The following EFR3A variants were observed in gnomAD, a reference collection of about 807,000 sequenced individuals.
EFR3A encodes the protein EFR3 homolog A.
In EFR3A, 76 loss-of-function variants were observed where a neutral mutation model predicts 104.4. The observed-to-expected ratio is 0.73, with a 90% CI of 0.60 to 0.88. The LOEUF is 0.88. Among genes scored for constraint, EFR3A ranks in the 40% least tolerant of loss-of-function variants. The probability of loss-of-function intolerance (pLI) is 0.00; values close to 1 mark genes in which losing one functional copy is unlikely to be tolerated. For synonymous variants in EFR3A, 330 were observed against 330.0 expected (o/e 1.00, Z 0.00); for missense variants, 985 against 1,012.5 (o/e 0.97, Z 0.37).
At chr8:131,962,957 T>C (rs978289197) in intron 8 of EFR3A, among the ~76,000 whole-genome samples, 5 of 152,190 alleles carry the variant, frequency 3.3e-5, no homozygotes, top group Non-Finnish European at 5.9e-5. Flanking sequence ...AGCAACCTGC[T>C]CCTGAATGAC....
intron 1 of EFR3A, among the ~76,000 whole-genome samples, chr8:131,917,101 T>A (rs1816775672): frequency 6.6e-6 from 1 of 152,242 alleles, no homozygotes; most frequent in South Asian, 2.1e-4. Context: ...TATCAACCCA[T>A]TGCCATCTTG....
intron 1 of EFR3A, among the ~76,000 whole-genome samples, chr8:131,931,629 G>A (rs867551839): frequency 6.6e-6 from 1 of 152,104 alleles, no homozygotes; most frequent in Middle Eastern, 3.4e-3. Flanking sequence ...TGCCTTATAT[G>A]TAGTAGACAT....
chr8:132,009,440 G>T (rs1434138513), intron 22 of EFR3A, among the ~76,000 whole-genome samples: 1 of 152,100 alleles, frequency 6.6e-6, no homozygotes, highest in Non-Finnish European at 1.5e-5. Flanking sequence ...GGAAAATGCT[G>T]TAGAAAGAAA....
chr8:131,932,251 T>G (rs1318283100), intron 1 of EFR3A, among the ~76,000 whole-genome samples: 4 of 152,260 alleles, frequency 2.6e-5, no homozygotes, highest in African/African-American at 9.6e-5. Context: ...TTAATTTACC[T>G]TAATAGTATT....
At chr8:131,915,402 T>G (rs1445104761) in intron 1 of EFR3A, among the ~76,000 whole-genome samples, 1 of 152,202 alleles carries the variant, frequency 6.6e-6, no homozygotes, top group East Asian at 1.9e-4. Flanking sequence ...ATCACAAGTG[T>G]TCTTTCAATT....
rs1822330023 is a variant in EFR3A, at chr8:132,011,250, GT to G, written c.*358del. 1 of 993,306 alleles carries G rather than the reference GT, an allele frequency of 1.0e-6. No homozygotes were observed. The highest frequency in any genetic ancestry group is 1.2e-6 in the Non-Finnish European group (1 of 834,822). 61.5% of individuals were successfully genotyped at this position (993,306 alleles called of 1,614,324 possible). Reference sequence around the variant, plus strand: ...TCAGAGGATTGAAACTGTATAAATTGTTTATCTCTTAAACATCTACACAGCC... The same window carrying G: ...TCAGAGGATTGAAACTGTATAAATTGTTATCTCTTAAACATCTACACAGCC... On this transcript the variant is annotated 3_prime_UTR_variant, in exon 23 of 23. Coordinates refer to ENST00000254624, the MANE Select transcript of EFR3A (RefSeq NM_015137.6).
At chr8:132,010,407 G>GATATATATATATATATATATATATAT (rs66644698) in intron 22 of EFR3A, among the ~76,000 whole-genome samples, 2 of 81,880 alleles carry the variant, frequency 2.4e-5, no homozygotes, top group African/African-American at 4.9e-5. Context: ...TCAAGTATGA[G>GATATATATATATATATATATATATAT]ATATATATAT....
chr8:132,004,633 G>C (rs901220783), intron 22 of EFR3A, among the ~76,000 whole-genome samples: 25 of 152,280 alleles, frequency 1.6e-4, no homozygotes, highest in African/African-American at 6.0e-4. Flanking sequence ...TTACTTCTTT[G>C]ATGACTAAAT....
chr8:131,946,400 TATTTC>T lies in EFR3A; in HGVS notation c.216-81_216-77del, dbSNP rs922767817. On this transcript the variant is annotated intron_variant, in intron 3 of 22. Coordinates refer to ENST00000254624, the MANE Select transcript of EFR3A (RefSeq NM_015137.6). ...TTTCTTTGGTGTATTTCAATAGACT[TATTTC>T]AGTTCTTCCAATGTAAAGCACTTAG... 4 of 1,303,690 alleles carry T rather than the reference TATTTC, an allele frequency of 3.1e-6. No individual in the cohort carries two copies. The African/African-American group carries it at 6.1e-5, about 20-fold the overall frequency. The allele number at this position is 1,303,690 out of a possible 1,614,324, so 80.8% of individuals were successfully genotyped here.
intron 14 of EFR3A, 86 bp from the exon 15 acceptor site, chr8:131,984,053 C>A: frequency 1.7e-6 from 2 of 1,192,508 alleles, no homozygotes; most frequent in East Asian, 2.6e-5. Context: ...AATAACATAG[C>A]TACACTGTAA....
Position 131,984,376 on chromosome 8 carries a change from C to T in EFR3A, c.1737+76C>T. 3 of 1,351,102 alleles carry T rather than the reference C, an allele frequency of 2.2e-6. No individual in the cohort carries two copies. The Admixed American group carries it at 7.8e-5, about 35-fold the overall frequency. 83.7% of individuals were successfully genotyped at this position (1,351,102 alleles called of 1,614,324 possible). A position where few individuals can be genotyped will look rare whatever the true frequency, so the allele number is the denominator to read the frequency against. ...AACATCTTTGAAATGTTGCCGTTAT[C>T]CAAGGACATGAATTTTAAAAGGGAG... On this transcript the variant is annotated intron_variant, in intron 15 of 22. Coordinates refer to ENST00000254624, the MANE Select transcript of EFR3A (RefSeq NM_015137.6).
chr8:131,950,252 A>C (rs113086334), intron 5 of EFR3A, among the ~76,000 whole-genome samples, 162 bp downstream of exon 5: 1 of 152,240 alleles, frequency 6.6e-6, no homozygotes, highest in Non-Finnish European at 1.5e-5. Context: ...GCAAAATGAG[A>C]ATGGTTTTCC....
In EFR3A at chr8:131,988,328, T is replaced by C. The variant is rs533816771; in HGVS notation, c.2065+626T>C. Among the ~76,000 whole-genome samples the C allele has an allele frequency of 1.8e-4, 27 of 152,244 alleles. No individual in the cohort carries two copies. In the East Asian group the frequency reaches 5.0e-3, roughly 28 times the overall value. On this transcript the variant is annotated intron_variant, in intron 18 of 22. Transcript: ENST00000254624. ...TTTTAATTTGGTGACTATATAAATA[T>C]TAAATTTTGTAAGTGAATTAGTTCT...
At chr8:131,940,794 A>G in intron 2 of EFR3A, 1 of 669,624 alleles carries the variant, frequency 1.5e-6, no homozygotes, top group East Asian at 3.0e-5. Flanking sequence ...AAATCTAGAA[A>G]AATGGACAGT....
chr8:131,949,960 G>GT lies in EFR3A; in HGVS notation c.367-3dup. On this transcript the variant is annotated splice_polypyrimidine_tract_variant and intron_variant, in intron 4 of 22. Transcript: ENST00000254624. Reference sequence around the variant, plus strand: ...AGGTGAAGTATATTATATTATTTGTGTTTTTTAGTTTGTCAAATTTGCAAA... The same window carrying GT: ...AGGTGAAGTATATTATATTATTTGTGTTTTTTTAGTTTGTCAAATTTGCAAA... 6.3e-7 allele frequency: 1 copy of GT among 1,581,026 alleles called. No homozygotes were observed. The highest frequency in any genetic ancestry group is 8.6e-7 in the Non-Finnish European group (1 of 1,165,538).
chr8:131,997,713 A>G (rs1210974035), intron 19 of EFR3A, among the ~76,000 whole-genome samples: 1 of 151,994 alleles, frequency 6.6e-6, no homozygotes, highest in Non-Finnish European at 1.5e-5. Context: ...ATTTGCCACT[A>G]TTACCTTTCT....
At chr8:131,970,962 T>C (rs1007992069) in intron 10 of EFR3A, among the ~76,000 whole-genome samples, 2 of 152,196 alleles carry the variant, frequency 1.3e-5, no homozygotes. Flanking sequence ...TGTGTGTCTC[T>C]TTGTGTGTGT....
intron 18 of EFR3A, among the ~76,000 whole-genome samples, chr8:131,990,500 A>G (rs1223040267): frequency 6.6e-6 from 1 of 152,210 alleles, no homozygotes; most frequent in African/African-American, 2.4e-5. Flanking sequence ...TGTTCCGTGA[A>G]TTAATATAGA....
chr8:131,984,297 A>C lies in EFR3A; in HGVS notation c.1734A>C (p.Leu578Phe). The change falls in exon 15 of 23, where the codon TTA becomes TTC. Residue 578 changes from leucine to phenylalanine, a missense_variant. By Grantham distance (22) the Leu-to-Phe change is conservative. Transcript: ENST00000254624. ...VIDLIRLAIA[L>F]QDSAIINEDN... Reference sequence around the variant, plus strand: ...ATCTCATTCGACTGGCCATTGCTTTACAGGTATGCTTTCATAACCGTTCAC... The same window carrying C: ...ATCTCATTCGACTGGCCATTGCTTTCCAGGTATGCTTTCATAACCGTTCAC... 6.3e-7 allele frequency: 1 copy of C among 1,590,876 alleles called. No individual in the cohort carries two copies. Among genetic ancestry groups the C allele is most frequent in the East Asian group, 2.3e-5 (1 of 43,966 alleles).
Sources: allele counts gnomAD v4.1 joint callset (sites outside exome capture counted in the v4.1 genomes callset), GRCh38; gene constraint gnomAD v4.1.1; transcripts MANE v1.5; gene names NCBI Gene and HGNC (gene_info 2026-07-23, HGNC 2026-07-21).